The following EFL1 variants were observed in gnomAD, a reference collection of about 807,000 sequenced individuals.
The protein encoded by EFL1 is elongation factor like GTPase 1.
EFL1 carries 76 observed loss-of-function variants against 126.7 expected under a neutral mutation model. That is an observed-to-expected ratio of 0.60 (90% CI 0.50 to 0.73). The LOEUF (loss-of-function observed/expected upper bound fraction) is 0.73, where lower values mean the gene tolerates loss of function less well. Ranked by LOEUF, EFL1 falls within the 30% of genes least tolerant of loss-of-function variation. The pLI, the probability that EFL1 is intolerant of heterozygous loss-of-function variation, is 0.00. For synonymous variants in EFL1, 410 were observed against 448.4 expected, an observed-to-expected ratio of 0.91 and a Z score of 1.08; for missense variants, 1,128 against 1,343.2, an observed-to-expected ratio of 0.84 and a Z score of 2.50.
intron 7 of EFL1, among the ~76,000 whole-genome samples, chr15:82,234,334 T>C (rs1040699255): frequency 4.6e-5 from 7 of 152,174 alleles, no homozygotes; most frequent in Non-Finnish European, 7.4e-5. Context: ...GAAATCATCT[T>C]AGCCCAATAT....
At chr15:82,246,565 AT>A (rs71928409) in intron 4 of EFL1, among the ~76,000 whole-genome samples, 15,554 of 151,938 alleles carry the variant, frequency 0.1, 1,191 homozygotes, top group African/African-American at 0.19. Flanking sequence ...GGATTTATGT[AT>A]TTTTTTAAGA....
chr15:82,252,398 C>T (rs1447305706), intron 4 of EFL1, among the ~76,000 whole-genome samples: 1 of 152,168 alleles, frequency 6.6e-6, no homozygotes, highest in Admixed American at 6.5e-5. Context: ...AATAGTAAGG[C>T]TGAACCAGCT....
intron 8 of EFL1, 141 bp from the exon 9 acceptor site, chr15:82,229,251 T>C (rs1446162161): frequency 3.0e-6 from 2 of 677,304 alleles, no homozygotes; most frequent in African/African-American, 3.7e-5. Context: ...TGAAAGTAGT[T>C]ATAAGAATGC....
chr15:82,217,373 GAAAAAAAAAA>G lies in EFL1; in HGVS notation c.1611+2269_1611+2278del. Among the ~76,000 whole-genome samples, 5 of 27,154 alleles carry G rather than the reference GAAAAAAAAAA, an allele frequency of 1.8e-4. 1 individual carries two copies. The highest frequency in any genetic ancestry group is 7.6e-4 in the Admixed American group (2 of 2,644). The allele number at this position is 27,154 out of a possible 152,430, so 17.8% of individuals were successfully genotyped here. ...AATCAAGGTAGCATTGATTAGATTT[GAAAAAAAAAA>G]AAAAAAAAAAAACGAAAACAGCAAA... On this transcript the variant is annotated intron_variant, in intron 14 of 19. Transcript: ENST00000268206.
chr15:82,241,901 T>C (rs962475362), intron 4 of EFL1, among the ~76,000 whole-genome samples: 6 of 152,196 alleles, frequency 3.9e-5, no homozygotes, highest in African/African-American at 1.4e-4. Context: ...TAGACTCAAT[T>C]CTACAAAAAC....
At chr15:82,149,289 A>G (rs1036500069) in intron 18 of EFL1, among the ~76,000 whole-genome samples, 13 of 152,218 alleles carry the variant, frequency 8.5e-5, no homozygotes, top group African/African-American at 3.1e-4. Flanking sequence ...GTACTCATAC[A>G]CAAATAAATA....
At chr15:82,239,540 T>C (rs2047679) in intron 6 of EFL1, among the ~76,000 whole-genome samples, 69,979 of 151,936 alleles carry the variant, frequency 0.46, 16,578 homozygotes, top group African/African-American at 0.51. Flanking sequence ...CTCAAGTTGC[T>C]CTCATCAACA....
At chr15:82,251,065 A>G (rs2075016722) in intron 4 of EFL1, among the ~76,000 whole-genome samples, 1 of 152,090 alleles carries the variant, frequency 6.6e-6, no homozygotes, top group Non-Finnish European at 1.5e-5. Flanking sequence ...TACAAAAATT[A>G]GCCGGGCACG....
At chr15:82,174,801 C>T (rs2074177209) in intron 15 of EFL1, among the ~76,000 whole-genome samples, 1 of 152,232 alleles carries the variant, frequency 6.6e-6, no homozygotes, top group Admixed American at 6.5e-5. Flanking sequence ...GCCTGCATCA[C>T]CCGATGCCAC....
rs375810682 is a variant in EFL1, at chr15:82,157,875, C to G, written c.1883-15G>C. On this transcript the variant is annotated splice_polypyrimidine_tract_variant and intron_variant, in intron 16 of 19. Coordinates refer to ENST00000268206, the MANE Select transcript of EFL1 (RefSeq NM_024580.6). ...AGGCATTTCACCTAGGTTAACAAAA[C>G]GAAATAGATTAAATATGATATAAGA... 3 of 1,606,872 alleles carry G rather than the reference C, an allele frequency of 1.9e-6. No homozygotes were observed. The highest frequency in any genetic ancestry group is 2.6e-6 in the Non-Finnish European group (3 of 1,175,270).
chr15:82,199,957 A>G (rs1191877491), intron 15 of EFL1, among the ~76,000 whole-genome samples: 1 of 152,274 alleles, frequency 6.6e-6, no homozygotes, highest in Admixed American at 6.5e-5. Flanking sequence ...AAAATGAATT[A>G]TTGATACCCT....
At chr15:82,157,928 T>G in intron 16 of EFL1, 68 bp from the exon 17 acceptor site, 1 of 1,460,804 alleles carries the variant, frequency 6.8e-7, no homozygotes, top group Admixed American at 2.1e-5. Context: ...ACAATGGCTC[T>G]GGCTACTGAA....
chr15:82,169,971 CT>C (rs1595956977), intron 15 of EFL1, among the ~76,000 whole-genome samples: 3 of 152,234 alleles, frequency 2.0e-5, no homozygotes, highest in African/African-American at 7.2e-5. Context: ...GAAAAGTATA[CT>C]TTTTGTTCAT....
At chr15:82,251,037 C>T (rs1452032956) in intron 4 of EFL1, among the ~76,000 whole-genome samples, 1 of 151,990 alleles carries the variant, frequency 6.6e-6, no homozygotes, top group Non-Finnish European at 1.5e-5. Context: ...CATGGTGAAA[C>T]CCCGCCTCTA....
chr15:82,157,691 A>G lies in EFL1; in HGVS notation c.2030+22T>C. 3.1e-6 allele frequency: 5 copies of G among 1,600,890 alleles called. No homozygotes were observed. The East Asian group carries it at 6.7e-5, about 22-fold the overall frequency. ...ATTGATTGAGAGCTATCATTTCTCCATCGCTATCATTTTCACCTAACCTTT... is the reference window on the plus strand; with the variant it reads ...ATTGATTGAGAGCTATCATTTCTCCGTCGCTATCATTTTCACCTAACCTTT... On this transcript the variant is annotated intron_variant, in intron 17 of 19. Transcript: ENST00000268206.
At chr15:82,139,553 A>T (rs2073762231) in intron 18 of EFL1, among the ~76,000 whole-genome samples, 1 of 152,140 alleles carries the variant, frequency 6.6e-6, no homozygotes, top group African/African-American at 2.4e-5. Flanking sequence ...TTCCCCTCTG[A>T]CTGGTGTTCT....
At chr15:82,200,093 T>C (rs2141280544) in intron 15 of EFL1, among the ~76,000 whole-genome samples, 1 of 152,296 alleles carries the variant, frequency 6.6e-6, no homozygotes, top group Admixed American at 6.5e-5. Flanking sequence ...GGGGCAAGTT[T>C]ATTTGATATA....
At chr15:82,148,619 G>T (rs991148008) in intron 18 of EFL1, among the ~76,000 whole-genome samples, 2 of 152,138 alleles carry the variant, frequency 1.3e-5, no homozygotes, top group Admixed American at 6.5e-5. Flanking sequence ...AGTTGAAGTG[G>T]GAGAACACTG....
intron 17 of EFL1, among the ~76,000 whole-genome samples, chr15:82,156,417 C>A (rs1407877744): frequency 1.3e-5 from 2 of 152,128 alleles, no homozygotes; most frequent in African/African-American, 4.8e-5. Context: ...TCCTGAGTAG[C>A]TGGATTACAG....
Sources: gnomAD v4.1 joint callset for allele counts (sites outside exome capture counted in the v4.1 genomes callset) on GRCh38, gnomAD v4.1.1 for gene constraint, MANE v1.5 for transcripts, NCBI Gene and HGNC (gene_info 2026-07-23, HGNC 2026-07-21) for gene names.